Variants in SUN2 observed in about 807,000 individuals in gnomAD.
SUN2 encodes Sad1 and UNC84 domain containing 2, also known as SUN domain-containing protein 2.
In SUN2, 60 loss-of-function variants were observed where a neutral mutation model predicts 100.0. The observed-to-expected ratio is 0.60, with a 90% CI of 0.49 to 0.74. The LOEUF is 0.74. Ranked by LOEUF, SUN2 falls within the 30% of genes least tolerant of loss-of-function variation. The pLI is 0.00. For missense variants in SUN2, 834 were observed against 954.6 expected (o/e 0.87, Z 1.66); for synonymous variants, 367 against 403.3 (o/e 0.91, Z 1.08).
Position 38,740,156 on chromosome 22 carries a change from T to C in SUN2, c.1356+111A>G. On this transcript the variant is annotated intron_variant, in intron 12 of 17. Coordinates refer to ENST00000689035, the MANE Select transcript of SUN2 (RefSeq NM_015374.3). This position sits in a 1 kb window ranked among gnomAD's most constrained non-coding sequence, Gnocchi z 4.8. ...TGTCAAGGCCAACGCCACAGTCTCT[T>C]GGGCATAACAGAGGCTGCAGGGGCA... 7.3e-7 allele frequency: 1 copy of C among 1,371,894 alleles called. No homozygotes were observed. The highest frequency in any genetic ancestry group is 9.6e-7 in the Non-Finnish European group (1 of 1,036,622). The allele number at this position is 1,371,894 out of a possible 1,614,324, so 85.0% of individuals were successfully genotyped here.
intron 2 of SUN2, 152 bp downstream of exon 2, chr22:38,752,355 G>T: frequency 1.1e-6 from 1 of 885,902 alleles, no homozygotes; most frequent in Non-Finnish European, 1.7e-6. Flanking sequence ...AGCAAGGAAG[G>T]ACCCCCTCGA....
chr22:38,745,581 G>A, intron 8 of SUN2, 103 bp downstream of exon 8: 1 of 1,477,114 alleles, frequency 6.8e-7, no homozygotes, highest in Non-Finnish European at 9.2e-7. Context: ...GTACGCCTCA[G>A]CTTTGTGTGT....
In SUN2 at chr22:38,749,751, T is replaced by C. The variant is rs373644839; in HGVS notation, c.614+15A>G. 19 of 1,613,020 alleles carry C rather than the reference T, an allele frequency of 1.2e-5. No individual in the cohort carries two copies. Among genetic ancestry groups the C allele is most frequent in the South Asian group, 1.1e-4 (10 of 91,044 alleles). On this transcript the variant is annotated intron_variant, in intron 6 of 17. Coordinates refer to ENST00000689035, the MANE Select transcript of SUN2 (RefSeq NM_015374.3). Reference sequence around the variant, plus strand: ...GGGCCTTGCGATTTATTGGCAAGGGTGGAGTCTCGCTCACCTGGTTAAAAC... The same window carrying C: ...GGGCCTTGCGATTTATTGGCAAGGGCGGAGTCTCGCTCACCTGGTTAAAAC...
chr22:38,750,438 ACAG>A, intron 4 of SUN2, 118 bp from the exon 5 acceptor site: 1 of 1,531,046 alleles, frequency 6.5e-7, no homozygotes, highest in Non-Finnish European at 8.8e-7. Context: ...ACAGCCCCAC[ACAG>A]GCCCGGTGTG....
At chr22:38,744,099 G>T (rs2092883058) in intron 8 of SUN2, among the ~76,000 whole-genome samples, 1 of 151,878 alleles carries the variant, frequency 6.6e-6, no homozygotes, top group Admixed American at 6.6e-5. Flanking sequence ...AAATTAGCTG[G>T]CATGGTGGTG....
chr22:38,752,749 G>T (rs1024240883), intron 1 of SUN2, 84 bp from the exon 2 acceptor site: 2 of 1,439,242 alleles, frequency 1.4e-6, no homozygotes, highest in Non-Finnish European at 1.9e-6. Context: ...CAGAGGCATC[G>T]CCTCACAGCC....
At chr22:38,752,354 G>A (rs891827127) in intron 2 of SUN2, among the ~76,000 whole-genome samples, 153 bp downstream of exon 2, 10 of 152,222 alleles carry the variant, frequency 6.6e-5, no homozygotes, top group South Asian at 2.1e-4. Flanking sequence ...GAGCAAGGAA[G>A]GACCCCCTCG....
rs62639696 is a variant in SUN2, at chr22:38,750,260, G to A, written c.485C>T (p.Ala162Val). The change falls in exon 5 of 18, where the codon GCG (alanine) becomes GTG (valine). Residue 162 changes from alanine (A) to valine (V), a missense_variant. Ala to Val is a moderately conservative substitution (Grantham distance 64). Transcript: ENST00000689035. ...SSRLRSAVSRAGSLLWMVATS... is the reference protein window; with the variant it reads ...SSRLRSAVSRVGSLLWMVATS... ...GGCCACCATCCAGAGTAAGGAGCCC[G>A]CCCGTGAGACGGCGCTTCGGAGCCG... 8.2e-4 allele frequency: 1,329 copies of A among 1,613,740 alleles called. 14 individuals carry two copies. In the African/African-American group the frequency reaches 0.016, roughly 20 times the overall value.
At chr22:38,754,748 C>T in intron 1 of SUN2, 1 of 1,288,900 alleles carries the variant, frequency 7.8e-7, no homozygotes, top group Non-Finnish European at 1.0e-6. Context: ...TTATACCATA[C>T]CCAAGCTGCC....
intron 2 of SUN2, among the ~76,000 whole-genome samples, chr22:38,752,204 C>A (rs1478050835): frequency 2.0e-5 from 3 of 152,180 alleles, no homozygotes; most frequent in Non-Finnish European, 2.9e-5. Context: ...GATCCACCTC[C>A]CTTGGCCTCC....
Position 38,738,014 on chromosome 22 carries a change from G to A in SUN2, c.2040+159C>T, listed in dbSNP as rs752094726. On this transcript the variant is annotated intron_variant, in intron 17 of 17. Coordinates refer to ENST00000689035, the MANE Select transcript of SUN2 (RefSeq NM_015374.3). This position sits in a 1 kb window ranked among gnomAD's most constrained non-coding sequence, Gnocchi z 6.6. Reference sequence around the variant, plus strand: ...CCCTGTGCTGACGTCTGCAGGATGCGTGTTACACCCCATTTGGATATCACA... The same window carrying A: ...CCCTGTGCTGACGTCTGCAGGATGCATGTTACACCCCATTTGGATATCACA... The A allele has an allele frequency of 6.9e-5, 51 of 741,712 alleles. No homozygotes were observed. Among genetic ancestry groups the A allele is most frequent in the Non-Finnish European group, 9.6e-5 (39 of 406,192 alleles). The allele number at this position is 741,712 out of a possible 1,614,324, so 45.9% of individuals were successfully genotyped here. A position where few individuals can be genotyped will look rare whatever the true frequency, so the allele number is the denominator to read the frequency against.
At position 38,742,648 on chromosome 22, in the gene SUN2, G is replaced by A. The variant is rs956626963; in HGVS notation, c.814-93C>T. 4.1e-6 allele frequency: 6 copies of A among 1,467,604 alleles called. No homozygotes were observed. In the African/African-American group the frequency reaches 5.6e-5, roughly 14 times the overall value. 90.9% of individuals were successfully genotyped at this position (1,467,604 alleles called of 1,614,324 possible). A position where few individuals can be genotyped will look rare whatever the true frequency, so the allele number is the denominator to read the frequency against. ...CCGACACAGCCAACACAGAAAGAAA[G>A]GGAAAAGATTCCAGAGACGTTCCAG... On this transcript the variant is annotated intron_variant, in intron 8 of 17. Coordinates refer to ENST00000689035, the MANE Select transcript of SUN2 (RefSeq NM_015374.3).
Position 38,755,494 on chromosome 22 carries a change from G to A in SUN2, c.-38+269C>T, listed in dbSNP as rs1192635061. ...GGCCGGGTTGGGGCAGTCGGCCTTTGCCCTCCTCCTCCCGGGAGGCTGCCC... is the reference window on the plus strand; with the variant it reads ...GGCCGGGTTGGGGCAGTCGGCCTTTACCCTCCTCCTCCCGGGAGGCTGCCC... On this transcript the variant is annotated intron_variant, in intron 1 of 17. Transcript: ENST00000689035. The surrounding 1 kb of genome is among the most constrained non-coding windows in gnomAD (Gnocchi z 5.7). 2.0e-6 allele frequency: 2 copies of A among 986,570 alleles called. No homozygotes were observed. The highest frequency in any genetic ancestry group is 1.7e-5 in the African/African-American group (1 of 57,242). 61.1% of individuals were successfully genotyped at this position (986,570 alleles called of 1,614,324 possible). A position where few individuals can be genotyped will look rare whatever the true frequency, so the allele number is the denominator to read the frequency against.
chr22:38,754,185 A>G (rs769522467), intron 1 of SUN2, among the ~76,000 whole-genome samples: 3 of 152,326 alleles, frequency 2.0e-5, no homozygotes, highest in Middle Eastern at 3.4e-3. Context: ...TCAGGTCTAG[A>G]CACCCGAATT....
intron 7 of SUN2, among the ~76,000 whole-genome samples, chr22:38,747,150 G>A (rs1231286240): frequency 6.6e-6 from 1 of 151,462 alleles, no homozygotes; most frequent in Non-Finnish European, 1.5e-5. Context: ...TGGCCAACAT[G>A]GCGAAACCCC....
chr22:38,735,913 C>T lies in SUN2; in HGVS notation c.*354G>A. On this transcript the variant is annotated 3_prime_UTR_variant, in exon 18 of 18. Transcript: ENST00000689035. ...TAGCTTGCCCCTCCCACAGCCCTGG[C>T]ACCTGCTTCATCAGCTCCCAGGCAC... 4.7e-6 allele frequency: 1 copy of T among 211,198 alleles called. No individual in the cohort carries two copies. The highest frequency in any genetic ancestry group is 6.3e-5 in the South Asian group (1 of 15,802). 13.1% of individuals were successfully genotyped at this position (211,198 alleles called of 1,614,324 possible).
intron 2 of SUN2, among the ~76,000 whole-genome samples, chr22:38,751,864 C>A (rs891149871): frequency 3.9e-5 from 6 of 152,182 alleles, no homozygotes; most frequent in African/African-American, 1.4e-4. Context: ...GGCTGACACG[C>A]CCGTCCAGAG....
At position 38,740,782 on chromosome 22, in the gene SUN2, C is replaced by T; in HGVS notation, c.1190+225G>A. On this transcript the variant is annotated intron_variant, in intron 11 of 17. Coordinates refer to ENST00000689035, the MANE Select transcript of SUN2 (RefSeq NM_015374.3). This position sits in a 1 kb window ranked among gnomAD's most constrained non-coding sequence, Gnocchi z 4.8. ...GTCTATAAATGAATCCCGGTCCTCT[C>T]ACACAGCCTGCCCCCCGCCCTCAGG... 1 of 603,284 alleles carries T rather than the reference C, an allele frequency of 1.7e-6. No homozygotes were observed. 37.4% of individuals were successfully genotyped at this position (603,284 alleles called of 1,614,324 possible).
chr22:38,750,290 C>G lies in SUN2; in HGVS notation c.455G>C (p.Ser152Thr), dbSNP rs2092934703. The change falls in exon 5 of 18, where the codon AGC becomes ACC. Residue 152 changes from serine (S) to threonine (T), a missense_variant. Coordinates refer to ENST00000689035, the MANE Select transcript of SUN2 (RefSeq NM_015374.3). Reference sequence around the variant, plus strand: ...TGAGACGGCGCTTCGGAGCCGCGAGCTGGAACTCTGCTGGTCCACATCCGA... The same window carrying G: ...TGAGACGGCGCTTCGGAGCCGCGAGGTGGAACTCTGCTGGTCCACATCCGA... ...GYSDVDQQSS[S>T]SRLRSAVSRA... is the part of the protein sequence containing the mutation. 1.9e-6 allele frequency: 3 copies of G among 1,613,832 alleles called. No homozygotes were observed. Among genetic ancestry groups the G allele is most frequent in the Non-Finnish European group, 2.5e-6 (3 of 1,180,008 alleles).
Sources: gnomAD v4.1 joint callset for allele counts (sites outside exome capture counted in the v4.1 genomes callset) on GRCh38, gnomAD v4.1.1 for gene constraint, Gnocchi (gnomAD v3.1) non-coding constraint, MANE v1.5 for transcripts, NCBI Gene and HGNC (gene_info 2026-07-23, HGNC 2026-07-21) for gene names.